Variants in UBA7 observed in about 807,000 individuals in gnomAD.
The protein encoded by UBA7 is ubiquitin like modifier activating enzyme 7, also known as ubiquitin-like modifier-activating enzyme 7.
In UBA7, 88 loss-of-function variants were observed where a neutral mutation model predicts 113.0. That is an observed-to-expected ratio of 0.78 (90% CI 0.66 to 0.93). The LOEUF (loss-of-function observed/expected upper bound fraction) is 0.93, where lower values mean the gene tolerates loss of function less well. Ranked by LOEUF, UBA7 falls within the 40% of genes least tolerant of loss-of-function variation. UBA7 has a pLI of 0.00. For synonymous variants in UBA7, 459 were observed against 513.0 expected, an observed-to-expected ratio of 0.89 and a Z score of 1.42; for missense variants, 1,092 against 1,266.4, an observed-to-expected ratio of 0.86 and a Z score of 2.09.
In UBA7 at chr3:49,812,491, CG is replaced by C; in HGVS notation, c.610del (p.Arg204ValfsTer6). ...CGAGAAAGTCACCAAGTCTCCATCA[CG>C]GAAGTAGTGGGTATTGGCCCCTTTC... ...LRKGANTHYF[R>X]DGDLVTFSGI... is the part of the protein sequence containing the mutation. On this transcript the variant is annotated frameshift_variant, in exon 6 of 24. Transcript: ENST00000333486. LOFTEE classifies it high-confidence loss of function. The C allele has an allele frequency of 6.2e-7, 1 of 1,614,226 alleles. No individual in the cohort carries two copies. Among genetic ancestry groups the C allele is most frequent in the East Asian group, 2.2e-5 (1 of 44,878 alleles).
intron 19 of UBA7, 132 bp from the exon 20 acceptor site, chr3:49,808,244 G>A: frequency 1.3e-6 from 2 of 1,509,516 alleles, no homozygotes; most frequent in Admixed American, 1.7e-5. Context: ...GATCAGACAG[G>A]CTGAGGTTCA....
At position 49,808,437 on chromosome 3, in the gene UBA7, G is replaced by A. The variant is rs1480607071; in HGVS notation, c.2379C>T (p.Ala793=). The A allele has an allele frequency of 9.9e-6, 16 of 1,614,036 alleles. No individual in the cohort carries two copies. Among genetic ancestry groups the A allele is most frequent in the Non-Finnish European group, 1.4e-5 (16 of 1,180,016 alleles). The change falls in exon 19 of 24, where the codon GCC becomes GCT. Residue 793 remains alanine, a synonymous_variant. Transcript: ENST00000333486. The part of the protein sequence containing the change: ...GPEQQKELNK[A]LEVWSVGPPL... Reference sequence around the variant, plus strand: ...GAGGGCCCACACTCCAGACTTCCAGGGCTTTGTTCAGTTCCTTCTGCTGCT... The same window carrying A: ...GAGGGCCCACACTCCAGACTTCCAGAGCTTTGTTCAGTTCCTTCTGCTGCT...
At position 49,805,356 on chromosome 3, in the gene UBA7, C is replaced by T. The variant is rs758500490; in HGVS notation, c.2991G>A (p.Glu997=). 19 of 1,613,862 alleles carry T rather than the reference C, an allele frequency of 1.2e-5. No homozygotes were observed. Among genetic ancestry groups the T allele is most frequent in the Non-Finnish European group, 1.6e-5 (19 of 1,180,004 alleles). Reference sequence around the variant, plus strand: ...GGAAGGCAGTGTCCTCGTCGTCACCCTCACAGCTCAGCTCTAGCACCAACA... The same window carrying T: ...GGAAGGCAGTGTCCTCGTCGTCACCTTCACAGCTCAGCTCTAGCACCAACA... ...QRVLVLELSC[E]GDDEDTAFPP... is the part of the protein sequence containing the mutation. Residue 997 remains glutamate, a synonymous_variant, in exon 24 of 24, where the codon GAG becomes GAA. Transcript: ENST00000333486.
In UBA7 at chr3:49,809,323, G is replaced by T; in HGVS notation, c.2163+67C>A. 4.4e-6 allele frequency: 7 copies of T among 1,581,918 alleles called. No individual in the cohort carries two copies. In the South Asian group the frequency reaches 6.8e-5, roughly 15 times the overall value. Reference sequence around the variant, plus strand: ...CATCTGTGCATCTCTGCAGAATGCAGAAATGCCTACCTCTGCTCTGAGGGG... The same window carrying T: ...CATCTGTGCATCTCTGCAGAATGCATAAATGCCTACCTCTGCTCTGAGGGG... On this transcript the variant is annotated intron_variant, in intron 17 of 23. Transcript: ENST00000333486.
intron 22 of UBA7, 35 bp from the exon 23 acceptor site, chr3:49,806,032 G>C (rs752628646): frequency 1.7e-5 from 26 of 1,570,542 alleles, no homozygotes; most frequent in Admixed American, 5.7e-5. Flanking sequence ...GCTGGGCCGG[G>C]CTGGGCTGAG....
At chr3:49,811,704 G>A (rs2081550394) in intron 8 of UBA7, 166 bp downstream of exon 8, 23 of 1,262,670 alleles carry the variant, frequency 1.8e-5, no homozygotes, top group Non-Finnish European at 2.3e-5. Flanking sequence ...GGTGTAGCAG[G>A]AGTCCCCAGG....
Position 49,807,939 on chromosome 3 carries a change from A to C in UBA7, c.2524-12T>G. The C allele has an allele frequency of 4.3e-6, 7 of 1,613,042 alleles. No individual in the cohort carries two copies. The highest frequency in any genetic ancestry group is 5.9e-6 in the Non-Finnish European group (7 of 1,179,120). ...ACAATTCGCTTGCTCTGCCAAGGAC[A>C]AGAGATTTGGTCTGGGCCCAAGGCG... On this transcript the variant is annotated splice_polypyrimidine_tract_variant and intron_variant, in intron 20 of 23. Transcript: ENST00000333486. The surrounding 1 kb of genome is among the most constrained non-coding windows in gnomAD (Gnocchi z 4.0).
rs1359841110 is a variant in UBA7 at position 49,812,306 on chromosome 3, G to T, written c.695-100C>A. ...TGTGTCCCAGACCTTGCTGCACCTT[G>T]TAGAAGGTGGAGGGAGAAAAACCCA... On this transcript the variant is annotated intron_variant, in intron 6 of 23. Coordinates refer to ENST00000333486, the MANE Select transcript of UBA7 (RefSeq NM_003335.3). The T allele has an allele frequency of 5.0e-6, 8 of 1,607,788 alleles. No individual in the cohort carries two copies. The East Asian group carries it at 1.3e-4, about 27-fold the overall frequency.
At position 49,812,728 on chromosome 3, in the gene UBA7, A is replaced by C. The variant is rs1237791991; in HGVS notation, c.478T>G (p.Cys160Gly). The change falls in exon 5 of 24, where the codon TGT becomes GGT. Residue 160 changes from cysteine to glycine, a missense_variant. Physicochemically the swap from Cys to Gly is radical, Grantham distance 159. Transcript: ENST00000333486. ...DTRGLVGQLF[C>G]DFGEDFTVQD... ...ACAGTGAAGTCCTCACCAAAGTCAC[A>C]GAACAACTGCCTGAGATGGGGTGGT... The C allele has an allele frequency of 8.1e-6, 13 of 1,614,136 alleles. No homozygotes were observed. Among genetic ancestry groups the C allele is most frequent in the Non-Finnish European group, 1.0e-5 (12 of 1,180,044 alleles).
At position 49,805,925 on chromosome 3, in the gene UBA7, C is replaced by G; in HGVS notation, c.2881G>C (p.Glu961Gln). 4 of 1,558,378 alleles carry G rather than the reference C, an allele frequency of 2.6e-6. No homozygotes were observed. The highest frequency in any genetic ancestry group is 3.5e-6 in the Non-Finnish European group (4 of 1,150,962). Residue 961 changes from glutamate (E) to glutamine (Q), a missense_variant, in exon 23 of 24, where the codon GAA (glutamate) becomes CAA (glutamine). Glu to Gln is a conservative substitution (Grantham distance 29, BLOSUM62 2). Transcript: ENST00000333486. Reference protein sequence around the residue: ...ALLYAAGWSPEKQAQHLPLRV... With the variant: ...ALLYAAGWSPQKQAQHLPLRV... ...AGGGGCAGGTGCTGGGCCTGCTTTTCAGGTGACCATCCGGCCGCATAGAGC... is the reference window on the plus strand; with the variant it reads ...AGGGGCAGGTGCTGGGCCTGCTTTTGAGGTGACCATCCGGCCGCATAGAGC...
Position 49,809,979 on chromosome 3 carries a change from T to G in UBA7, c.1838A>C (p.Gln613Pro). Reference protein sequence around the residue: ...YFPSTAEHTLQWARHEFEELF... With the variant: ...YFPSTAEHTLPWARHEFEELF... ...GGGAGTCTCCAGGGTGCTTCCTACCTGCAGGGTGTGCTCGGCTGTGCTAGG... is the reference window on the plus strand; with the variant it reads ...GGGAGTCTCCAGGGTGCTTCCTACCGGCAGGGTGTGCTCGGCTGTGCTAGG... The change falls in exon 14 of 24, where the codon CAG becomes CCG. Residue 613 changes from glutamine to proline, a missense_variant and splice_region_variant. By Grantham distance (76) the Gln-to-Pro change is moderately conservative. Around this residue, in one of 3 missense-constraint regions of UBA7, gnomAD observed 500 missense variants for 529.3 expected, o/e 0.94. Transcript: ENST00000333486. The G allele has an allele frequency of 6.2e-7, 1 of 1,613,844 alleles. No homozygotes were observed. The highest frequency in any genetic ancestry group is 8.5e-7 in the Non-Finnish European group (1 of 1,179,898).
At chr3:49,812,912 G>A (rs1345588647) in intron 4 of UBA7, 150 bp downstream of exon 4, 2 of 1,158,918 alleles carry the variant, frequency 1.7e-6, no homozygotes, top group Non-Finnish European at 2.5e-6. Flanking sequence ...GGAGGAACCA[G>A]AGGGCAGGAC....
In UBA7 at chr3:49,810,875, T is replaced by C. The variant is rs112280882; in HGVS notation, c.1231-43A>G. 27 of 1,612,440 alleles carry C rather than the reference T, an allele frequency of 1.7e-5. No homozygotes were observed. Among genetic ancestry groups the C allele is most frequent in the Non-Finnish European group, 2.2e-5 (26 of 1,178,658 alleles). On this transcript the variant is annotated intron_variant, in intron 10 of 23. Coordinates refer to ENST00000333486, the MANE Select transcript of UBA7 (RefSeq NM_003335.3). This position sits in a 1 kb window ranked among gnomAD's most constrained non-coding sequence, Gnocchi z 5.6. ...GGTCAGTGATGGCTACTGGCCTGCA[T>C]CTCCTTCTTATACTGAGTTTTCTGA...
chr3:49,810,659 G>A lies in UBA7; in HGVS notation c.1325C>T (p.Ala442Val), dbSNP rs762473240. 2 of 1,613,988 alleles carry A rather than the reference G, an allele frequency of 1.2e-6. No individual in the cohort carries two copies. Among genetic ancestry groups the A allele is most frequent in the Non-Finnish European group, 1.7e-6 (2 of 1,179,988 alleles). ...GACTTTGAGCAGCTCACAACCAATG[G>A]CACCAGCGCCCACCTGTTGGCAGGA... ...RQHYLLVGAG[A>V]IGCELLKVFA... The change falls in exon 12 of 24, where the codon GCC becomes GTC. Residue 442 changes from alanine (A) to valine (V), a missense_variant. Around this residue, in one of 3 missense-constraint regions of UBA7, gnomAD observed 584 missense variants for 714.5 expected, o/e 0.82. Transcript: ENST00000333486. The surrounding 1 kb of genome is among the most constrained non-coding windows in gnomAD (Gnocchi z 5.6).
chr3:49,808,504 C>T, intron 18 of UBA7, 36 bp from the exon 19 acceptor site: 7 of 1,606,078 alleles, frequency 4.4e-6, no homozygotes, highest in Non-Finnish European at 6.0e-6. Context: ...AGTCCTTAGC[C>T]CCTGTCTCCT....
At chr3:49,808,329 C>A in intron 19 of UBA7, 57 bp downstream of exon 19, 4 of 1,607,644 alleles carry the variant, frequency 2.5e-6, no homozygotes, top group Non-Finnish European at 3.4e-6. Context: ...TTATTAGCTC[C>A]TGACCTTTCT....
At position 49,807,938 on chromosome 3, in the gene UBA7, C is replaced by A. The variant is rs1251922978; in HGVS notation, c.2524-11G>T. 1.3e-5 allele frequency: 21 copies of A among 1,612,904 alleles called. No homozygotes were observed. The highest frequency in any genetic ancestry group is 1.7e-5 in the Non-Finnish European group (20 of 1,179,126). On this transcript the variant is annotated splice_polypyrimidine_tract_variant and intron_variant, in intron 20 of 23. Coordinates refer to ENST00000333486, the MANE Select transcript of UBA7 (RefSeq NM_003335.3). This position sits in a 1 kb window ranked among gnomAD's most constrained non-coding sequence, Gnocchi z 4.0. ...CACAATTCGCTTGCTCTGCCAAGGA[C>A]AAGAGATTTGGTCTGGGCCCAAGGC...
At position 49,805,296 on chromosome 3, in the gene UBA7, G is replaced by T. The variant is rs555314013; in HGVS notation, c.*12C>A. On this transcript the variant is annotated 3_prime_UTR_variant, in exon 24 of 24. Transcript: ENST00000333486. ...GGGCTCCATTGAGCTAGGTGACAGG[G>T]TGGCTGCCTTGTCACAGCTCATAGT... The T allele has an allele frequency of 1.2e-6, 2 of 1,612,228 alleles. No homozygotes were observed. The highest frequency in any genetic ancestry group is 2.2e-5 in the East Asian group (1 of 44,852).
rs140358452 is a variant in UBA7 at position 49,812,465 on chromosome 3, C to T, written c.637G>A (p.Gly213Arg). The change falls in exon 6 of 24, where the codon GGA becomes AGA. Residue 213 changes from glycine to arginine, a missense_variant. This residue lies in a region of UBA7 where 584 missense variants were observed against 714.5 expected (regional missense o/e 0.82). Coordinates refer to ENST00000333486, the MANE Select transcript of UBA7 (RefSeq NM_003335.3). ...TTGAGCTCAACCATTCCCTCAATTC[C>T]CGAGAAAGTCACCAAGTCTCCATCA... ...FRDGDLVTFSGIEGMVELNDC... is the reference protein window; with the variant it reads ...FRDGDLVTFSRIEGMVELNDC... 2.5e-6 allele frequency: 4 copies of T among 1,614,086 alleles called. No individual in the cohort carries two copies. The highest frequency in any genetic ancestry group is 3.4e-6 in the Non-Finnish European group (4 of 1,180,048).
Sources: gnomAD v4.1 joint callset for allele counts on GRCh38, gnomAD v4.1.1 for gene constraint, gnomAD v4.1.1 regional missense constraint, Gnocchi (gnomAD v3.1) non-coding constraint, MANE v1.5 for transcripts, NCBI Gene and HGNC (gene_info 2026-07-23, HGNC 2026-07-21) for gene names.